Variants in TRIO observed in about 807,000 individuals in gnomAD.
TRIO encodes the protein triple functional domain protein.
TRIO carries 58 observed loss-of-function variants against 351.9 expected under a neutral mutation model. The observed-to-expected ratio is 0.16, with a 90% CI of 0.13 to 0.21. The LOEUF (loss-of-function observed/expected upper bound fraction) is 0.21. Among genes scored for constraint, TRIO ranks in the 10% least tolerant of loss-of-function variants. The pLI, the probability that TRIO is intolerant of heterozygous loss-of-function variation, is 1.00. For synonymous variants in TRIO, 1,758 were observed against 1,595.7 expected, an observed-to-expected ratio of 1.10 and a Z score of -2.42; for missense variants, 3,201 against 4,027.8, an observed-to-expected ratio of 0.79 and a Z score of 5.56.
chr5:14,261,025 C>A (rs897064159), intron 1 of TRIO, among the ~76,000 whole-genome samples: 1 of 152,134 alleles, frequency 6.6e-6, no homozygotes, highest in Non-Finnish European at 1.5e-5. Flanking sequence ...CTCCTTAAAC[C>A]CTTTTTTGTT....
intron 1 of TRIO, among the ~76,000 whole-genome samples, chr5:14,210,384 C>G (rs562524670): frequency 4.6e-5 from 7 of 152,190 alleles, no homozygotes; most frequent in African/African-American, 7.2e-5. Flanking sequence ...GGCTCCGCAC[C>G]CTCTGCTGTG....
At chr5:14,270,339 T>C (rs1181400153) in intron 1 of TRIO, among the ~76,000 whole-genome samples, 1 of 152,144 alleles carries the variant, frequency 6.6e-6, no homozygotes, top group Non-Finnish European at 1.5e-5. Context: ...TAATCCCCTC[T>C]CTCCGCCTTG....
chr5:14,405,874 C>T lies in TRIO; in HGVS notation c.4743C>T (p.Asp1581=), dbSNP rs1054899017. ...LKASSIENKQ[D]WIKHIREVIQ... is the part of the protein sequence containing the mutation. ...CTTCCAGCATAGAGAACAAGCAGGA[C>T]TGGATAAAGCATATCCGCGAAGTCA... The change falls in exon 32 of 57, where the codon GAC becomes GAT. Residue 1581 remains aspartate (D), a synonymous_variant. Coordinates refer to ENST00000344204, the MANE Select transcript of TRIO (RefSeq NM_007118.4). 3.1e-6 allele frequency: 5 copies of T among 1,613,874 alleles called. No individual in the cohort carries two copies. Among genetic ancestry groups the T allele is most frequent in the Non-Finnish European group, 4.2e-6 (5 of 1,180,018 alleles).
chr5:14,223,231 A>G (rs1792762565), intron 1 of TRIO, among the ~76,000 whole-genome samples: 1 of 152,232 alleles, frequency 6.6e-6, no homozygotes, highest in Non-Finnish European at 1.5e-5. Flanking sequence ...TCTTTTGGAA[A>G]AATAGTATTT....
intron 3 of TRIO, among the ~76,000 whole-genome samples, chr5:14,283,002 T>C (rs1176765900): frequency 6.6e-6 from 1 of 152,080 alleles, no homozygotes; most frequent in Non-Finnish European, 1.5e-5. Flanking sequence ...CTCTGGGCCC[T>C]CTCCCCCAGG....
intron 27 of TRIO, among the ~76,000 whole-genome samples, chr5:14,393,146 A>G (rs1443713223): frequency 2.0e-5 from 3 of 152,090 alleles, no homozygotes; most frequent in Non-Finnish European, 2.9e-5. Context: ...ACTCAAGAAC[A>G]GAAAACCAAA....
intron 1 of TRIO, among the ~76,000 whole-genome samples, chr5:14,226,693 A>T (rs1177417453): frequency 1.3e-5 from 2 of 152,244 alleles, no homozygotes; most frequent in Non-Finnish European, 2.9e-5. Flanking sequence ...GTGAAGCATT[A>T]CGTCTTCACT....
At chr5:14,463,741 C>T (rs890063020) in intron 36 of TRIO, among the ~76,000 whole-genome samples, 1 of 151,896 alleles carries the variant, frequency 6.6e-6, no homozygotes, top group African/African-American at 2.4e-5. Context: ...AACATCTTCC[C>T]CCATGCTTCC....
intron 1 of TRIO, among the ~76,000 whole-genome samples, chr5:14,236,793 A>G (rs754932042): frequency 6.6e-6 from 1 of 152,208 alleles, no homozygotes; most frequent in Non-Finnish European, 1.5e-5. Context: ...AGAGTTGTGC[A>G]GCCATCATCG....
intron 34 of TRIO, among the ~76,000 whole-genome samples, chr5:14,447,624 GC>G (rs1752537034): frequency 1.3e-5 from 2 of 152,080 alleles, no homozygotes; most frequent in African/African-American, 4.8e-5. Flanking sequence ...TCTGCGTATA[GC>G]CCCCTGCCCC....
At chr5:14,300,853 A>G (rs938251207) in intron 7 of TRIO, among the ~76,000 whole-genome samples, 4 of 152,228 alleles carry the variant, frequency 2.6e-5, no homozygotes, top group African/African-American at 9.6e-5. Context: ...CTTCCCATAA[A>G]TATTTTTAGA....
intron 1 of TRIO, among the ~76,000 whole-genome samples, chr5:14,253,869 A>G (rs375061210): frequency 6.6e-5 from 10 of 152,340 alleles, no homozygotes; most frequent in African/African-American, 1.9e-4. Context: ...GTGACATCAC[A>G]ACAGATTAAA....
intron 1 of TRIO, among the ~76,000 whole-genome samples, chr5:14,215,230 C>T (rs1358961425): frequency 2.6e-5 from 4 of 152,198 alleles, no homozygotes; most frequent in African/African-American, 9.6e-5. Flanking sequence ...TAAAAGCATG[C>T]ATCGTTTTTT....
chr5:14,402,492 A>G (rs959082162), intron 31 of TRIO, among the ~76,000 whole-genome samples: 4 of 152,140 alleles, frequency 2.6e-5, no homozygotes, highest in Non-Finnish European at 5.9e-5. Flanking sequence ...GTAGAGAGGC[A>G]GGCGATGGTG....
rs1757843902 is a variant in TRIO, at chr5:14,508,209, G to A, written c.9081G>A (p.Val3027=). ...TGAGCCAGAAGGCCAAGGAGTTCGT[G>A]TGCTTCCTCCTGCAGGAGGACCCCG... ...KGVSQKAKEF[V]CFLLQEDPAK... is the part of the protein sequence containing the mutation. Residue 3027 remains valine (V), a synonymous_variant, in exon 57 of 57, where the codon GTG becomes GTA. Transcript: ENST00000344204. 6.2e-7 allele frequency: 1 copy of A among 1,614,132 alleles called. No homozygotes were observed. Among genetic ancestry groups the A allele is most frequent in the East Asian group, 2.2e-5 (1 of 44,880 alleles).
At chr5:14,442,800 A>G (rs1752169320) in intron 34 of TRIO, among the ~76,000 whole-genome samples, 1 of 152,196 alleles carries the variant, frequency 6.6e-6, no homozygotes. Flanking sequence ...GGTCACATGA[A>G]AAGTCTGATT....
At chr5:14,188,238 T>G (rs935663799) in intron 1 of TRIO, among the ~76,000 whole-genome samples, 6 of 152,244 alleles carry the variant, frequency 3.9e-5, no homozygotes, top group African/African-American at 9.6e-5. Flanking sequence ...CTTAGAATAA[T>G]TATGATGCCA....
chr5:14,155,528 G>A (rs1002333161), intron 1 of TRIO, among the ~76,000 whole-genome samples: 10 of 152,132 alleles, frequency 6.6e-5, no homozygotes, highest in African/African-American at 9.7e-5. Context: ...TTAGTTTGTC[G>A]TATCTCTTCA....
chr5:14,243,680 G>GA (rs1794263510), intron 1 of TRIO, among the ~76,000 whole-genome samples: 1 of 152,110 alleles, frequency 6.6e-6, no homozygotes, highest in Non-Finnish European at 1.5e-5. Context: ...CATTTATAAG[G>GA]AAAACATATG....
Sources: allele counts gnomAD v4.1 joint callset (sites outside exome capture counted in the v4.1 genomes callset), GRCh38; gene constraint gnomAD v4.1.1; transcripts MANE v1.5; gene names NCBI Gene and HGNC (gene_info 2026-07-23, HGNC 2026-07-21).